The following ASCC1 variants were observed in gnomAD, a reference collection of about 807,000 sequenced individuals.
The protein encoded by ASCC1 is activating signal cointegrator 1 complex subunit 1, also known as ASC-1 complex subunit P50.
In ASCC1, 35 loss-of-function variants were observed where a neutral mutation model predicts 46.6. That is an observed-to-expected ratio of 0.75 (90% CI 0.57 to 0.99). The LOEUF (loss-of-function observed/expected upper bound fraction) is 0.99, where lower values mean the gene tolerates loss of function less well. ASCC1 is among the 50% of genes least tolerant of loss of function. The pLI, the probability that ASCC1 is intolerant of heterozygous loss-of-function variation, is 0.00. For missense variants in ASCC1, 376 were observed against 428.7 expected, an observed-to-expected ratio of 0.88 and a Z score of 1.09; for synonymous variants, 143 against 146.6, an observed-to-expected ratio of 0.98 and a Z score of 0.18.
chr10:72,129,003 C>G (rs912179512), intron 8 of ASCC1, among the ~76,000 whole-genome samples: 5 of 152,100 alleles, frequency 3.3e-5, no homozygotes, highest in African/African-American at 1.2e-4. Flanking sequence ...TACTTATTTC[C>G]ACATTTAAGT....
chr10:72,142,088 T>C (rs887200932), intron 7 of ASCC1, among the ~76,000 whole-genome samples: 4 of 152,238 alleles, frequency 2.6e-5, no homozygotes, highest in Admixed American at 2.6e-4. Flanking sequence ...TATATTACTG[T>C]TCAATATGAT....
intron 5 of ASCC1, among the ~76,000 whole-genome samples, chr10:72,170,651 C>T (rs1850962319): frequency 6.6e-6 from 1 of 150,850 alleles, no homozygotes; most frequent in African/African-American, 2.4e-5. Context: ...TGGAAATGTT[C>T]CAGATTCAAG....
At chr10:72,154,464 A>T (rs1848715931) in intron 6 of ASCC1, among the ~76,000 whole-genome samples, 1 of 151,704 alleles carries the variant, frequency 6.6e-6, no homozygotes, top group South Asian at 2.1e-4. Flanking sequence ...GAATATACTC[A>T]TATTTATGAG....
At chr10:72,213,567 C>A (rs948950874) in intron 1 of ASCC1, among the ~76,000 whole-genome samples, 3 of 150,202 alleles carry the variant, frequency 2.0e-5, no homozygotes, top group South Asian at 2.1e-4. Flanking sequence ...ATTTATCACC[C>A]CCCCCCCAAA....
At chr10:72,143,698 T>C (rs1421194172) in intron 7 of ASCC1, among the ~76,000 whole-genome samples, 1 of 150,810 alleles carries the variant, frequency 6.6e-6, no homozygotes, top group Non-Finnish European at 1.5e-5. Flanking sequence ...GGGCATATAA[T>C]TCCAGAGATG....
chr10:72,118,106 G>A (rs989581104), intron 9 of ASCC1, among the ~76,000 whole-genome samples: 2 of 152,198 alleles, frequency 1.3e-5, no homozygotes, highest in African/African-American at 2.4e-5. Context: ...GGTGGCTCAC[G>A]CCTGTAATCC....
intron 1 of ASCC1, among the ~76,000 whole-genome samples, chr10:72,214,030 T>G (rs998696715): frequency 1.4e-5 from 2 of 145,854 alleles, no homozygotes; most frequent in African/African-American, 5.1e-5. Flanking sequence ...AGAGCACAAC[T>G]CCGTCTTAAA....
At chr10:72,161,359 T>C (rs923117767) in intron 6 of ASCC1, among the ~76,000 whole-genome samples, 179 bp downstream of exon 6, 3 of 152,182 alleles carry the variant, frequency 2.0e-5, no homozygotes, top group Admixed American at 2.0e-4. Context: ...TTTTTGTAGA[T>C]GTGATTAAGG....
chr10:72,109,728 A>G (rs760377453), intron 9 of ASCC1, among the ~76,000 whole-genome samples: 140 of 152,232 alleles, frequency 9.2e-4, no homozygotes, highest in Non-Finnish European at 1.8e-3. Context: ...TGAGCACCTC[A>G]AAATTCAAAA....
intron 9 of ASCC1, among the ~76,000 whole-genome samples, chr10:72,103,307 T>A (rs557994816): frequency 4.7e-4 from 72 of 151,882 alleles, no homozygotes; most frequent in Non-Finnish European, 8.5e-4. Flanking sequence ...TAATTTTTTG[T>A]ATTTTTAGTA....
intron 7 of ASCC1, among the ~76,000 whole-genome samples, chr10:72,149,401 G>C (rs559767184): frequency 3.2e-4 from 40 of 126,612 alleles, no homozygotes; most frequent in African/African-American, 1.3e-3. Flanking sequence ...TCACGCCACT[G>C]CACTCCCGCC....
chr10:72,214,667 G>A (rs1489974869), intron 1 of ASCC1, among the ~76,000 whole-genome samples: 1 of 151,926 alleles, frequency 6.6e-6, no homozygotes, highest in East Asian at 1.9e-4. Context: ...GTGAGCCACT[G>A]CGCCCAGCAA....
chr10:72,147,666 C>T (rs752556042), intron 7 of ASCC1, among the ~76,000 whole-genome samples: 17 of 152,186 alleles, frequency 1.1e-4, no homozygotes, highest in Non-Finnish European at 1.5e-4. Context: ...CACAGCTTTG[C>T]TATCTATATG....
chr10:72,109,203 G>A (rs1321769194), intron 9 of ASCC1, among the ~76,000 whole-genome samples: 2 of 152,176 alleles, frequency 1.3e-5, no homozygotes, highest in Admixed American at 1.3e-4. Flanking sequence ...TCTGTGGGAG[G>A]AGCAATTCTT....
chr10:72,202,580 A>G (rs904200320), intron 4 of ASCC1, among the ~76,000 whole-genome samples: 1 of 152,128 alleles, frequency 6.6e-6, no homozygotes, highest in South Asian at 2.1e-4. Flanking sequence ...CTTGGTTTAC[A>G]CTGAGGCTTG....
chr10:72,193,842 AT>A (rs57489181), intron 5 of ASCC1, among the ~76,000 whole-genome samples: 13,226 of 140,800 alleles, frequency 0.094, 1,784 homozygotes, highest in African/African-American at 0.31. Context: ...AATAATACTG[AT>A]TTTTTTTTTT....
In ASCC1 at chr10:72,188,552, T is replaced by C. The variant is rs7905905; in HGVS notation, c.489+8259A>G. 1.4e-4 allele frequency among the ~76,000 whole-genome samples: 21 copies of C among 151,934 alleles called. No homozygotes were observed. In the East Asian group the frequency reaches 3.7e-3, roughly 27 times the overall value. Reference sequence around the variant, plus strand: ...AGGAGAAAGGGAAAGGGAAGGGAAGTAAGGAAGGAAAGAAAGAAGAAAAGA... The same window carrying C: ...AGGAGAAAGGGAAAGGGAAGGGAAGCAAGGAAGGAAAGAAAGAAGAAAAGA... On this transcript the variant is annotated intron_variant, in intron 5 of 9. Coordinates refer to ENST00000672957, the MANE Select transcript of ASCC1 (RefSeq NM_001198800.3).
intron 9 of ASCC1, among the ~76,000 whole-genome samples, chr10:72,112,559 GC>G (rs1843030105): frequency 6.6e-6 from 1 of 151,730 alleles, no homozygotes; most frequent in African/African-American, 2.4e-5. Context: ...GGTTAAAATA[GC>G]CAATCTTATG....
chr10:72,153,629 T>C (rs1012361275), intron 6 of ASCC1, among the ~76,000 whole-genome samples: 4 of 151,932 alleles, frequency 2.6e-5, no homozygotes, highest in Non-Finnish European at 5.9e-5. Context: ...GGTTTCACCA[T>C]GTTAGCCAGG....
Sources: allele counts gnomAD v4.1 joint callset (sites outside exome capture counted in the v4.1 genomes callset), GRCh38; gene constraint gnomAD v4.1.1; transcripts MANE v1.5; gene names NCBI Gene and HGNC (gene_info 2026-07-23, HGNC 2026-07-21).